Variants in CMTM7 observed in about 807,000 individuals in gnomAD.
The protein encoded by CMTM7 is CKLF like MARVEL transmembrane domain containing 7.
Under a neutral mutation model 19.3 loss-of-function variants are expected in CMTM7, and 7 were observed. That is an observed-to-expected ratio of 0.36 (90% CI 0.21 to 0.68). The LOEUF is 0.68. CMTM7 is among the 30% of genes least tolerant of loss of function. The probability of loss-of-function intolerance (pLI) is 0.60; values close to 1 mark genes in which losing one functional copy is unlikely to be tolerated. For synonymous variants in CMTM7, 87 were observed against 99.3 expected (o/e 0.88, Z 0.74); for missense variants, 193 against 232.6 (o/e 0.83, Z 1.11).
intron 1 of CMTM7, among the ~76,000 whole-genome samples, chr3:32,440,132 C>A (rs1381758013): frequency 6.6e-6 from 1 of 151,886 alleles, no homozygotes; most frequent in Non-Finnish European, 1.5e-5. Context: ...TCTGGCCAGG[C>A]GTGGTGGCTC....
chr3:32,443,528 A>T (rs758796120), intron 2 of CMTM7, among the ~76,000 whole-genome samples: 21 of 152,290 alleles, frequency 1.4e-4, no homozygotes, highest in Admixed American at 7.2e-4. Context: ...TGCTATGAGC[A>T]TTCATATACA....
chr3:32,397,276 A>G (rs1256912636), intron 1 of CMTM7, among the ~76,000 whole-genome samples: 1 of 137,222 alleles, frequency 7.3e-6, no homozygotes, highest in Non-Finnish European at 1.6e-5. Flanking sequence ...GCTTGTGACA[A>G]GCTATTAATA....
chr3:32,435,919 T>C (rs1696590517), intron 1 of CMTM7, among the ~76,000 whole-genome samples: 1 of 152,242 alleles, frequency 6.6e-6, no homozygotes, highest in Non-Finnish European at 1.5e-5. Context: ...TTAAAACTAC[T>C]AAATATCACT....
chr3:32,438,996 A>C (rs1010765832), intron 1 of CMTM7, among the ~76,000 whole-genome samples: 16 of 152,234 alleles, frequency 1.1e-4, no homozygotes, highest in Non-Finnish European at 2.1e-4. Context: ...TCATGCCTTG[A>C]ATAATGATAC....
chr3:32,444,343 C>T (rs879292356), intron 2 of CMTM7, among the ~76,000 whole-genome samples: 1 of 152,182 alleles, frequency 6.6e-6, no homozygotes, highest in Non-Finnish European at 1.5e-5. Flanking sequence ...GGCATTGGCA[C>T]CCTTGTTGAA....
chr3:32,395,638 G>A (rs924158312), intron 1 of CMTM7, among the ~76,000 whole-genome samples: 2 of 152,176 alleles, frequency 1.3e-5, no homozygotes, highest in African/African-American at 2.4e-5. Context: ...AAAACAACAA[G>A]TGATGAAGAT....
intron 1 of CMTM7, 100 bp from the exon 2 acceptor site, chr3:32,441,740 A>C: frequency 9.9e-7 from 1 of 1,005,092 alleles, no homozygotes; most frequent in East Asian, 2.4e-5. Flanking sequence ...CAGTTCTTCA[A>C]TGTGGGCCTG....
chr3:32,401,876 G>A (rs1480077514), intron 1 of CMTM7, among the ~76,000 whole-genome samples: 1 of 152,218 alleles, frequency 6.6e-6, no homozygotes, highest in African/African-American at 2.4e-5. Flanking sequence ...CGGAAAGGGG[G>A]CTGGGACGCG....
At chr3:32,434,604 TTC>T (rs1183807037) in intron 1 of CMTM7, among the ~76,000 whole-genome samples, 1,701 of 11,416 alleles carry the variant, frequency 0.15, 34 homozygotes, top group Middle Eastern at 0.26. Flanking sequence ...CTCTTTTCTT[TTC>T]TTTTTTTTTT....
At chr3:32,450,173 C>T (rs1274596552) in intron 3 of CMTM7, among the ~76,000 whole-genome samples, 2 of 152,152 alleles carry the variant, frequency 1.3e-5, no homozygotes, top group Non-Finnish European at 2.9e-5. Flanking sequence ...TTCCTGTCAT[C>T]TGATTTCTGA....
rs3081435 is a variant in CMTM7 at position 32,412,480 on chromosome 3, GACACACACACACACACACACAC to G, written c.159+20454_159+20475del. Among the ~76,000 whole-genome samples, 911 of 120,464 alleles carry G rather than the reference GACACACACACACACACACACAC, an allele frequency of 7.6e-3. 13 individuals carry two copies. The highest frequency in any genetic ancestry group is 9.9e-3 in the Non-Finnish European group (589 of 59,572). 79.0% of individuals were successfully genotyped at this position (120,464 alleles called of 152,430 possible). A position where few individuals can be genotyped will look rare whatever the true frequency, so the allele number is the denominator to read the frequency against. On this transcript the variant is annotated intron_variant, in intron 1 of 4. Coordinates refer to ENST00000334983, the MANE Select transcript of CMTM7 (RefSeq NM_138410.4). The stretch of plus-strand genomic sequence containing the variant: ...CCAGCCTGGGCAACAGATTGAGACT[GACACACACACACACACACACAC>G]ACACACACACACACACACACACACA...
In CMTM7 at chr3:32,449,658, T is replaced by C. The variant is rs1696801792; in HGVS notation, c.432+106T>C. On this transcript the variant is annotated intron_variant, in intron 3 of 4. Transcript: ENST00000334983. This position sits in a 1 kb window ranked among gnomAD's most constrained non-coding sequence, Gnocchi z 4.5. ...CTTGGTTTCTGGGGCATTCCCTTCATAGAATCAATACCTACCTTGATCCAG... is the reference window on the plus strand; with the variant it reads ...CTTGGTTTCTGGGGCATTCCCTTCACAGAATCAATACCTACCTTGATCCAG... 8 of 838,464 alleles carry C rather than the reference T, an allele frequency of 9.5e-6. No individual in the cohort carries two copies. The highest frequency in any genetic ancestry group is 5.0e-5 in the East Asian group (2 of 39,944). The allele number at this position is 838,464 out of a possible 1,614,324, so 51.9% of individuals were successfully genotyped here.
intron 1 of CMTM7, among the ~76,000 whole-genome samples, chr3:32,392,773 G>A (rs527276312): frequency 2.0e-5 from 3 of 152,322 alleles, no homozygotes; most frequent in African/African-American, 7.2e-5. Context: ...GGAGTCACCC[G>A]TGGAGCCAGG....
rs1575127329 is a variant in CMTM7 at position 32,449,630 on chromosome 3, G to A, written c.432+78G>A. 5 of 1,151,406 alleles carry A rather than the reference G, an allele frequency of 4.3e-6. No homozygotes were observed. In the East Asian group the frequency reaches 1.2e-4, roughly 27 times the overall value. 71.3% of individuals were successfully genotyped at this position (1,151,406 alleles called of 1,614,324 possible). On this transcript the variant is annotated intron_variant, in intron 3 of 4. Coordinates refer to ENST00000334983, the MANE Select transcript of CMTM7 (RefSeq NM_138410.4). The surrounding 1 kb of genome is among the most constrained non-coding windows in gnomAD (Gnocchi z 4.5). The stretch of plus-strand genomic sequence containing the variant: ...TTTTCTTCCTGATGGGGGAAGAGAA[G>A]GGCTTGGTTTCTGGGGCATTCCCTT...
chr3:32,441,896 C>T lies in CMTM7; in HGVS notation c.216C>T (p.Ser72=), dbSNP rs532611688. 15 of 1,614,156 alleles carry T rather than the reference C, an allele frequency of 9.3e-6. No homozygotes were observed. Among genetic ancestry groups the T allele is most frequent in the African/African-American group, 4.0e-5 (3 of 75,036 alleles). Residue 72 remains serine, a synonymous_variant, in exon 2 of 5, where the codon AGC becomes AGT. Coordinates refer to ENST00000334983, the MANE Select transcript of CMTM7 (RefSeq NM_138410.4). ...CVRSSLWTNY[S]AYSYFEVVTI... ...GGAGCTCCCTGTGGACCAACTACAG[C>T]GCCTACAGCTACTTTGAAGTGGTCA...
At chr3:32,394,557 G>A (rs1358402499) in intron 1 of CMTM7, among the ~76,000 whole-genome samples, 1 of 152,186 alleles carries the variant, frequency 6.6e-6, no homozygotes, top group East Asian at 1.9e-4. Context: ...GAGTTTCTGA[G>A]TGAATGTGTG....
chr3:32,425,138 A>T (rs1194325692), intron 1 of CMTM7, among the ~76,000 whole-genome samples: 3 of 152,208 alleles, frequency 2.0e-5, no homozygotes, highest in Non-Finnish European at 4.4e-5. Flanking sequence ...CAGTGTCCTC[A>T]TCTGTAGAAT....
intron 3 of CMTM7, chr3:32,451,688 G>A: frequency 5.3e-6 from 1 of 188,390 alleles, no homozygotes; most frequent in Non-Finnish European, 1.1e-5. Flanking sequence ...AGAGATTCCA[G>A]AAGAAGCTAC....
rs1479109598 is a variant in CMTM7, at chr3:32,404,146, T to TTTTTC, written c.159+12085_159+12086insCTTTT. Among the ~76,000 whole-genome samples the TTTTTC allele has an allele frequency of 2.4e-3, 220 of 93,274 alleles. 20 individuals are homozygous for TTTTTC. Among genetic ancestry groups the TTTTTC allele is most frequent in the African/African-American group, 3.3e-3 (96 of 29,424 alleles). 61.2% of individuals were successfully genotyped at this position (93,274 alleles called of 152,430 possible). The stretch of plus-strand genomic sequence containing the variant: ...TGTTTAATCTTTTCTTTCTTTCTTT[T>TTTTTC]TTTTTCTTTTTTTTTCTTTTTTTTT... On this transcript the variant is annotated intron_variant, in intron 1 of 4. Coordinates refer to ENST00000334983, the MANE Select transcript of CMTM7 (RefSeq NM_138410.4).
Sources: gnomAD v4.1 joint callset for allele counts (sites outside exome capture counted in the v4.1 genomes callset) on GRCh38, gnomAD v4.1.1 for gene constraint, Gnocchi (gnomAD v3.1) non-coding constraint, MANE v1.5 for transcripts, NCBI Gene and HGNC (gene_info 2026-07-23, HGNC 2026-07-21) for gene names.